YWHAG: variants seen among roughly 807,000 people sequenced by gnomAD.
YWHAG encodes 14-3-3 protein gamma.
Under a neutral mutation model 23.3 loss-of-function variants are expected in YWHAG, and 1 was observed. The ratio of observed to expected loss-of-function variants is 0.04; its 90% CI spans 0.02 to 0.20. The LOEUF is 0.20. YWHAG is among the 10% of genes least tolerant of loss of function. The pLI, the probability that YWHAG is intolerant of heterozygous loss-of-function variation, is 1.00. For synonymous variants in YWHAG, 160 were observed against 144.0 expected (o/e 1.11, Z -0.80); for missense variants, 151 against 338.6 (o/e 0.45, Z 4.35).
intron 1 of YWHAG, among the ~76,000 whole-genome samples, chr7:76,354,869 A>T (rs1019272135): frequency 6.6e-6 from 1 of 152,248 alleles, no homozygotes; most frequent in African/African-American, 2.4e-5. Context: ...GTTCTTATTT[A>T]TTTGGGTGAA....
rs1583979870 is a variant in YWHAG at position 76,327,108 on chromosome 7, C to T, written c.*2469G>A. The T allele has an allele frequency of 6.6e-6, 1 of 152,414 alleles. No homozygotes were observed. Among genetic ancestry groups the T allele is most frequent in the African/African-American group, 2.4e-5 (1 of 41,416 alleles). The allele number at this position is 152,414 out of a possible 1,614,324, so 9.4% of individuals were successfully genotyped here. A position where few individuals can be genotyped will look rare whatever the true frequency, so the allele number is the denominator to read the frequency against. On this transcript the variant is annotated 3_prime_UTR_variant, in exon 2 of 2. Transcript: ENST00000307630. ...CACTGGTGTTTCTTTTGCTCCCCCC[C>T]TTTTAAAAACAAAATATATAACTGC... is the stretch of plus-strand genomic sequence containing the variant.
intron 1 of YWHAG, among the ~76,000 whole-genome samples, chr7:76,345,866 G>A (rs897744101): frequency 5.3e-5 from 8 of 152,056 alleles, no homozygotes; most frequent in African/African-American, 1.9e-4. Context: ...ACCGGGACCC[G>A]GGAGATGGAG....
chr7:76,334,891 T>C (rs1803595303), intron 1 of YWHAG, among the ~76,000 whole-genome samples: 1 of 152,122 alleles, frequency 6.6e-6, no homozygotes, highest in Admixed American at 6.6e-5. Context: ...TAATAAATTG[T>C]TTCTACGAAT....
intron 1 of YWHAG, among the ~76,000 whole-genome samples, chr7:76,347,442 C>T (rs980281791): frequency 2.0e-5 from 3 of 151,972 alleles, no homozygotes; most frequent in African/African-American, 7.3e-5. Flanking sequence ...ACTAAAAATA[C>T]AAAAAAATTA....
At position 76,343,340 on chromosome 7, in the gene YWHAG, T is replaced by C. The variant is rs187784835; in HGVS notation, c.88-13107A>G. ...ACATATTGTGGAAGCAGAAGAACCC[T>C]GCTGTGAGTTCTCGATACCCCAGCC... On this transcript the variant is annotated intron_variant, in intron 1 of 1. Transcript: ENST00000307630. Among the ~76,000 whole-genome samples the C allele has an allele frequency of 2.8e-3, 415 of 150,566 alleles. 2 individuals are homozygous for C. Among genetic ancestry groups the C allele is most frequent in the Non-Finnish European group, 4.4e-3 (297 of 68,004 alleles).
intron 1 of YWHAG, among the ~76,000 whole-genome samples, chr7:76,331,691 G>C (rs1321166986): frequency 1.3e-5 from 2 of 152,030 alleles, no homozygotes; most frequent in Non-Finnish European, 2.9e-5. Context: ...TGAACTACCA[G>C]GAGACTTTTT....
intron 1 of YWHAG, among the ~76,000 whole-genome samples, chr7:76,340,277 C>CTCTA (rs1803673474): frequency 6.6e-6 from 1 of 152,206 alleles, no homozygotes; most frequent in Non-Finnish European, 1.5e-5. Context: ...CCTATGGTTT[C>CTCTA]CAAATATCAC....
intron 1 of YWHAG, 50 bp from the exon 2 acceptor site, chr7:76,330,283 G>T: frequency 1.3e-6 from 2 of 1,557,072 alleles, no homozygotes; most frequent in South Asian, 1.2e-5. Context: ...GTGTCCACTG[G>T]GTTAACTGTA....
At chr7:76,346,363 T>G (rs1300319959) in intron 1 of YWHAG, among the ~76,000 whole-genome samples, 1 of 152,216 alleles carries the variant, frequency 6.6e-6, no homozygotes, top group South Asian at 2.1e-4. Flanking sequence ...CCAACACACA[T>G]GGATACAAAG....
At chr7:76,357,915 A>G (rs1803984790) in intron 1 of YWHAG, among the ~76,000 whole-genome samples, 1 of 152,234 alleles carries the variant, frequency 6.6e-6, no homozygotes, top group African/African-American at 2.4e-5. Context: ...TGTCACACGA[A>G]TCGAACCAGT....
intron 1 of YWHAG, among the ~76,000 whole-genome samples, chr7:76,337,688 C>A (rs1337534939): frequency 6.6e-6 from 1 of 152,052 alleles, no homozygotes; most frequent in Non-Finnish European, 1.5e-5. Flanking sequence ...GCGCCCACCA[C>A]CACACCCAGC....
At chr7:76,355,651 G>C (rs959575971) in intron 1 of YWHAG, among the ~76,000 whole-genome samples, 4 of 152,114 alleles carry the variant, frequency 2.6e-5, no homozygotes, top group African/African-American at 9.7e-5. Context: ...AGGGGGAATG[G>C]AATATTTAAG....
intron 1 of YWHAG, among the ~76,000 whole-genome samples, chr7:76,344,112 T>C (rs1326677811): frequency 6.6e-6 from 1 of 151,806 alleles, no homozygotes; most frequent in Non-Finnish European, 1.5e-5. Context: ...AGCAAACAAT[T>C]AGGAATTTTT....
chr7:76,351,966 C>G (rs1803881685), intron 1 of YWHAG, among the ~76,000 whole-genome samples: 1 of 152,188 alleles, frequency 6.6e-6, no homozygotes, highest in African/African-American at 2.4e-5. Flanking sequence ...GACCACTGCT[C>G]TTTAGCCTAC....
Position 76,358,703 on chromosome 7 carries a change from GA to G in YWHAG, c.87+18del. On this transcript the variant is annotated intron_variant, in intron 1 of 1. Coordinates refer to ENST00000307630, the MANE Select transcript of YWHAG (RefSeq NM_012479.4). ...TTCGGAGGGGCAGGGAGCGGCGGGG[GA>G]GGGGAGGAGACACTCACGTTCTTCA... is the stretch of plus-strand genomic sequence containing the variant. The G allele has an allele frequency of 1.3e-6, 2 of 1,561,168 alleles. No individual in the cohort carries two copies. The highest frequency in any genetic ancestry group is 1.7e-6 in the Non-Finnish European group (2 of 1,151,182).
chr7:76,349,434 C>CACACACAG (rs907350184), intron 1 of YWHAG, among the ~76,000 whole-genome samples: 1 of 127,458 alleles, frequency 7.8e-6, no homozygotes, highest in African/African-American at 3.1e-5. Flanking sequence ...CACACACACA[C>CACACACAG]ACACACACAG....
Position 76,329,664 on chromosome 7 carries a change from G to A in YWHAG, c.657C>T (p.Ser219=), listed in dbSNP as rs1803514148. Residue 219 remains serine, a synonymous_variant, in exon 2 of 2, where the codon TCC becomes TCT. Coordinates refer to ENST00000307630, the MANE Select transcript of YWHAG (RefSeq NM_012479.4). The surrounding 1 kb of genome is among the most constrained non-coding windows in gnomAD (Gnocchi z 6.1). The part of the protein sequence containing the change: ...DTLNEDSYKD[S]TLIMQLLRDN... ...CGCGGAGGAGCTGCATGATGAGCGTGGAGTCCTTGTAGGAGTCCTCGTTGA... is the reference window on the plus strand; with the variant it reads ...CGCGGAGGAGCTGCATGATGAGCGTAGAGTCCTTGTAGGAGTCCTCGTTGA... The A allele has an allele frequency of 6.2e-7, 1 of 1,614,252 alleles. No individual in the cohort carries two copies. The highest frequency in any genetic ancestry group is 1.1e-5 in the South Asian group (1 of 91,092).
At chr7:76,343,165 A>ATATAACGCTCATACTCCACCCCTAG (rs1803722730) in intron 1 of YWHAG, among the ~76,000 whole-genome samples, 34 of 152,152 alleles carry the variant, frequency 2.2e-4, no homozygotes, top group Admixed American at 2.0e-3. Flanking sequence ...GTTATGTGTA[A>ATATAACGCTCATACTCCACCCCTAG]AAGCTGTTGT....
chr7:76,353,480 G>A (rs1226698217), intron 1 of YWHAG, among the ~76,000 whole-genome samples: 1 of 152,026 alleles, frequency 6.6e-6, no homozygotes, highest in Non-Finnish European at 1.5e-5. Context: ...CAAAGTGCTG[G>A]GATTACAGGC....
Sources: allele counts gnomAD v4.1 joint callset (sites outside exome capture counted in the v4.1 genomes callset), GRCh38; gene constraint gnomAD v4.1.1; non-coding constraint Gnocchi (gnomAD v3.1); transcripts MANE v1.5; gene names NCBI Gene and HGNC (gene_info 2026-07-23, HGNC 2026-07-21).